Variants in SDK2 observed in about 807,000 individuals in gnomAD.
SDK2 encodes protein sidekick-2.
Under a neutral mutation model 253.9 loss-of-function variants are expected in SDK2, and 105 were observed. That is an observed-to-expected ratio of 0.41 (90% confidence interval 0.35 to 0.49). The LOEUF (loss-of-function observed/expected upper bound fraction) is 0.49, where lower values mean the gene tolerates loss of function less well. SDK2 is among the 20% of genes least tolerant of loss of function. The pLI is 0.06. For missense variants in SDK2, 2,608 were observed against 3,003.0 expected, an observed-to-expected ratio of 0.87 and a Z score of 3.07; for synonymous variants, 1,249 against 1,234.9, an observed-to-expected ratio of 1.01 and a Z score of -0.24.
At chr17:73,613,635 A>G (rs1467181062) in intron 1 of SDK2, among the ~76,000 whole-genome samples, 3 of 104,430 alleles carry the variant, frequency 2.9e-5, no homozygotes, top group African/African-American at 7.6e-5. Context: ...ATGCTCATCC[A>G]TCAGTCTTGC....
chr17:73,403,778 T>G (rs1465043455), intron 18 of SDK2, among the ~76,000 whole-genome samples: 1 of 152,180 alleles, frequency 6.6e-6, no homozygotes, highest in African/African-American at 2.4e-5. Flanking sequence ...CTCAAAATAC[T>G]AAACAGAAAT....
chr17:73,592,447 C>G (rs790089), intron 1 of SDK2, among the ~76,000 whole-genome samples: 53,728 of 151,742 alleles, frequency 0.35, 9,874 homozygotes, highest in African/African-American at 0.46. Flanking sequence ...GAAAGAGTCT[C>G]CAGCTTTTTA....
Position 73,419,281 on chromosome 17 carries a change from TG to T in SDK2, c.2070del (p.Thr691ArgfsTer18), listed in dbSNP as rs768348482. On this transcript the variant is annotated frameshift_variant, in exon 16 of 45. Transcript: ENST00000392650. LOFTEE classifies it high-confidence loss of function. ...TERVSLPEEP[P>X]TAPPQNVIAS... Reference sequence around the variant, plus strand: ...GCGATGACGTTCTGTGGAGGGGCCGTGGGGGGCTCCTCGGGGAGGGAGACCC... The same window carrying T: ...GCGATGACGTTCTGTGGAGGGGCCGTGGGGGCTCCTCGGGGAGGGAGACCC... 6.2e-7 allele frequency: 1 copy of T among 1,612,666 alleles called. No homozygotes were observed. Among genetic ancestry groups the T allele is most frequent in the Non-Finnish European group, 8.5e-7 (1 of 1,179,640 alleles).
chr17:73,481,748 C>T lies in SDK2; in HGVS notation c.225-9530G>A, dbSNP rs1258233167. On this transcript the variant is annotated intron_variant, in intron 2 of 44. Coordinates refer to ENST00000392650, the MANE Select transcript of SDK2 (RefSeq NM_001144952.2). This position sits in a 1 kb window ranked among gnomAD's most constrained non-coding sequence, Gnocchi z 4.5. ...CTTGGACGCTGGGGCTCCTGGTTCCCGGCCTGCAGACTCTAGGACTTACAC... is the reference window on the plus strand; with the variant it reads ...CTTGGACGCTGGGGCTCCTGGTTCCTGGCCTGCAGACTCTAGGACTTACAC... 2.0e-5 allele frequency among the ~76,000 whole-genome samples: 3 copies of T among 152,212 alleles called. No individual in the cohort carries two copies. The highest frequency in any genetic ancestry group is 2.1e-4 in the South Asian group (1 of 4,814).
Position 73,401,991 on chromosome 17 carries a change from C to A in SDK2, c.2635G>T (p.Asp879Tyr), listed in dbSNP as rs2063031826. 1 of 1,613,268 alleles carries A rather than the reference C, an allele frequency of 6.2e-7. No homozygotes were observed. The highest frequency in any genetic ancestry group is 1.7e-5 in the Admixed American group (1 of 59,924). The stretch of plus-strand genomic sequence containing the variant: ...AGCTGCGGGGTGCTGCGTGGCCCGT[C>A]CCCGGGGGTGGTGAAACACAGCACT... ...TSVLCFTTPG[D>Y]GPRSTPQLVR... Residue 879 changes from aspartate (D) to tyrosine (Y), a missense_variant, in exon 19 of 45, where the codon GAC becomes TAC. Coordinates refer to ENST00000392650, the MANE Select transcript of SDK2 (RefSeq NM_001144952.2).
intron 2 of SDK2, among the ~76,000 whole-genome samples, chr17:73,482,254 G>A (rs966712128): frequency 6.7e-6 from 1 of 149,040 alleles, no homozygotes; most frequent in African/African-American, 2.5e-5. Flanking sequence ...TGGCCTGCGT[G>A]ACAAGACTCC....
chr17:73,466,577 C>A (rs2063598699), intron 3 of SDK2, among the ~76,000 whole-genome samples: 1 of 152,172 alleles, frequency 6.6e-6, no homozygotes, highest in Admixed American at 6.5e-5. Context: ...TGCAACCCCT[C>A]TGAGCCCCAG....
chr17:73,611,848 C>T (rs924471033), intron 1 of SDK2, among the ~76,000 whole-genome samples: 8 of 152,186 alleles, frequency 5.3e-5, no homozygotes, highest in African/African-American at 1.2e-4. Context: ...TGGAGGGAGT[C>T]GCCACCAGAG....
chr17:73,350,283 G>A lies in SDK2; in HGVS notation c.5992C>T (p.Leu1998Phe). 1 of 1,599,988 alleles carries A rather than the reference G, an allele frequency of 6.3e-7. No homozygotes were observed. The highest frequency in any genetic ancestry group is 1.1e-5 in the South Asian group (1 of 89,720). Reference sequence around the variant, plus strand: ...CGGCAGAAAGAGTTCTTGACGGAGAGCCGCCTGTTGTTGAGTTCCAGGGCA... The same window carrying A: ...CGGCAGAAAGAGTTCTTGACGGAGAACCGCCTGTTGTTGAGTTCCAGGGCA... ...FPALELNNRR[L>F]SVKNSFCRKN... Residue 1998 changes from leucine to phenylalanine, a missense_variant, in exon 43 of 45, where the codon CTC (leucine) becomes TTC (phenylalanine). Leu to Phe is a conservative substitution (Grantham distance 22, BLOSUM62 0). This residue lies in a region of SDK2 where 1,103 missense variants were observed against 1,143.9 expected (regional missense o/e 0.96). Coordinates refer to ENST00000392650, the MANE Select transcript of SDK2 (RefSeq NM_001144952.2).
chr17:73,356,488 G>A (rs2062593156), intron 40 of SDK2, among the ~76,000 whole-genome samples: 2 of 152,180 alleles, frequency 1.3e-5, no homozygotes, highest in Admixed American at 6.5e-5. Context: ...CTTATAGAAA[G>A]GGGGTGTATT....
chr17:73,531,098 C>G (rs561974378), intron 1 of SDK2, among the ~76,000 whole-genome samples: 2 of 152,304 alleles, frequency 1.3e-5, no homozygotes, highest in East Asian at 3.9e-4. Flanking sequence ...CTGCTCCGAT[C>G]TTCCTTGTTC....
chr17:73,441,369 T>C (rs1262746741), intron 5 of SDK2, among the ~76,000 whole-genome samples: 1 of 152,170 alleles, frequency 6.6e-6, no homozygotes, highest in Non-Finnish European at 1.5e-5. Flanking sequence ...CTCCCGCCAA[T>C]TCATGCCCAT....
chr17:73,355,001 G>A (rs1233429039), intron 40 of SDK2, among the ~76,000 whole-genome samples: 1 of 151,156 alleles, frequency 6.6e-6, no homozygotes, highest in African/African-American at 2.4e-5. Context: ...ACTGCTGAGG[G>A]GGCTGTCTCC....
At chr17:73,479,470 A>G (rs907767493) in intron 2 of SDK2, among the ~76,000 whole-genome samples, 3 of 152,160 alleles carry the variant, frequency 2.0e-5, no homozygotes, top group Admixed American at 6.5e-5. Flanking sequence ...AAGACTGACT[A>G]TATTTGTGGA....
Position 73,426,208 on chromosome 17 carries a change from CTTTTTTTTTTTTT to C in SDK2, c.1584-2129_1584-2117del, listed in dbSNP as rs751417057. Among the ~76,000 whole-genome samples the C allele has an allele frequency of 2.0e-3, 58 of 29,172 alleles. 3 individuals are homozygous for C. The highest frequency in any genetic ancestry group is 4.8e-3 in the East Asian group (4 of 838). The allele number at this position is 29,172 out of a possible 152,430, so 19.1% of individuals were successfully genotyped here. On this transcript the variant is annotated intron_variant, in intron 12 of 44. Transcript: ENST00000392650. ...TACAGGCCTGCACCACCATGCTGGGCTTTTTTTTTTTTTTTTTTTTTTTTTTTTCTGTATTTTT... is the reference window on the plus strand; with the variant it reads ...TACAGGCCTGCACCACCATGCTGGGCTTTTTTTTTTTTTTTCTGTATTTTT...
At chr17:73,484,332 A>G (rs999553231) in intron 2 of SDK2, among the ~76,000 whole-genome samples, 3 of 152,228 alleles carry the variant, frequency 2.0e-5, no homozygotes, top group Non-Finnish European at 4.4e-5. Flanking sequence ...GTGGGTGGCC[A>G]GAGCAGCCCC....
At chr17:73,528,613 T>G (rs1208589044) in intron 1 of SDK2, among the ~76,000 whole-genome samples, 2 of 152,212 alleles carry the variant, frequency 1.3e-5, no homozygotes, top group Non-Finnish European at 2.9e-5. Flanking sequence ...CAGCGAGGGC[T>G]GCTTGCTCTC....
In SDK2 at chr17:73,374,578, T is replaced by C. The variant is rs1441414832; in HGVS notation, c.4980+4599A>G. On this transcript the variant is annotated intron_variant, in intron 36 of 44. Coordinates refer to ENST00000392650, the MANE Select transcript of SDK2 (RefSeq NM_001144952.2). ...TGCCTTCTGGGTTCAAGGGATTCTT[T>C]TGCCTCAGCCTCCCCAGTAGCTGGA... Among the ~76,000 whole-genome samples the C allele has an allele frequency of 9.7e-5, 14 of 143,798 alleles. 3 individuals are homozygous for C. The highest frequency in any genetic ancestry group is 3.4e-4 in the African/African-American group (12 of 35,802). The allele number at this position is 143,798 out of a possible 152,430, so 94.3% of individuals were successfully genotyped here. A position where few individuals can be genotyped will look rare whatever the true frequency, so the allele number is the denominator to read the frequency against.
chr17:73,377,353 G>C (rs902192163), intron 36 of SDK2, among the ~76,000 whole-genome samples: 4 of 151,542 alleles, frequency 2.6e-5, no homozygotes, highest in African/African-American at 7.3e-5. Context: ...CAAATAGCTG[G>C]GATTACAGGC....
Sources: allele counts gnomAD v4.1 joint callset (sites outside exome capture counted in the v4.1 genomes callset), GRCh38; gene constraint gnomAD v4.1.1; regional missense constraint gnomAD v4.1.1; non-coding constraint Gnocchi (gnomAD v3.1); transcripts MANE v1.5; gene names NCBI Gene and HGNC (gene_info 2026-07-23, HGNC 2026-07-21).